The following ITGA9 variants were observed in gnomAD, a reference collection of about 807,000 sequenced individuals.
ITGA9 encodes integrin subunit alpha 9.
A neutral mutation model predicts 127.8 loss-of-function variants in ITGA9; 56 were observed. The observed-to-expected ratio is 0.44, with a 90% confidence interval of 0.35 to 0.55. The LOEUF is 0.55. Ranked by LOEUF, ITGA9 falls within the 20% of genes least tolerant of loss-of-function variation. ITGA9 has a pLI of 0.00. For synonymous variants in ITGA9, 508 were observed against 514.5 expected (o/e 0.99, Z 0.17); for missense variants, 1,196 against 1,347.1 (o/e 0.89, Z 1.76).
At chr3:37,625,396 A>T (rs2125633472) in intron 15 of ITGA9, among the ~76,000 whole-genome samples, 1 of 152,316 alleles carries the variant, frequency 6.6e-6, no homozygotes, top group South Asian at 2.1e-4. Flanking sequence ...GCATATGTTA[A>T]GTTCCCTATA....
At chr3:37,495,401 A>G (rs1698717504) in intron 5 of ITGA9, among the ~76,000 whole-genome samples, 1 of 152,112 alleles carries the variant, frequency 6.6e-6, no homozygotes. Flanking sequence ...TGTCATTCTT[A>G]CTTACTGTAA....
chr3:37,723,847 A>C (rs900335642), intron 18 of ITGA9, among the ~76,000 whole-genome samples: 1 of 152,164 alleles, frequency 6.6e-6, no homozygotes, highest in Non-Finnish European at 1.5e-5. Context: ...TCAAAATGTA[A>C]AATTCTTCCT....
At chr3:37,486,035 A>G (rs759039579) in intron 4 of ITGA9, among the ~76,000 whole-genome samples, 1 of 152,252 alleles carries the variant, frequency 6.6e-6, no homozygotes, top group Non-Finnish European at 1.5e-5. Context: ...TAACCAAGCT[A>G]TGATATTTTA....
At chr3:37,604,561 G>A (rs751386496) in intron 15 of ITGA9, among the ~76,000 whole-genome samples, 3 of 152,160 alleles carry the variant, frequency 2.0e-5, no homozygotes, top group Non-Finnish European at 4.4e-5. Flanking sequence ...AATCTTTAAC[G>A]GAAGGGTTTC....
intron 17 of ITGA9, among the ~76,000 whole-genome samples, chr3:37,661,770 G>T (rs1365408781): frequency 1.3e-5 from 2 of 152,248 alleles, no homozygotes; most frequent in Admixed American, 6.5e-5. Flanking sequence ...CTCCTGCTGT[G>T]AGCAGAGCAA....
intron 15 of ITGA9, among the ~76,000 whole-genome samples, chr3:37,612,734 A>G (rs772214920): frequency 6.6e-6 from 1 of 152,242 alleles, no homozygotes; most frequent in Non-Finnish European, 1.5e-5. Flanking sequence ...GATGTGCAGT[A>G]ATAAATTAGC....
intron 18 of ITGA9, among the ~76,000 whole-genome samples, chr3:37,725,303 T>A (rs1404286593): frequency 1.3e-5 from 2 of 152,084 alleles, no homozygotes; most frequent in Admixed American, 6.5e-5. Context: ...CAGCCAAGAG[T>A]GTATCATCAG....
At chr3:37,652,925 A>G (rs561353041) in intron 16 of ITGA9, among the ~76,000 whole-genome samples, 50 of 152,318 alleles carry the variant, frequency 3.3e-4, no homozygotes, top group African/African-American at 1.2e-3. Context: ...TGGACCGTAG[A>G]AGAAAGCCCT....
At chr3:37,657,301 T>C (rs1327407135) in intron 17 of ITGA9, among the ~76,000 whole-genome samples, 1 of 152,150 alleles carries the variant, frequency 6.6e-6, no homozygotes, top group Non-Finnish European at 1.5e-5. Flanking sequence ...TAGAATTCAG[T>C]TGTGAATCCG....
chr3:37,679,356 TTGGTCTTTG>T (rs1343764405), intron 17 of ITGA9, among the ~76,000 whole-genome samples: 4 of 152,168 alleles, frequency 2.6e-5, no homozygotes, highest in African/African-American at 7.2e-5. Context: ...GTCAGAGAGG[TTGGTCTTTG>T]TGGAGTCCTG....
chr3:37,696,155 T>C (rs763990938), intron 18 of ITGA9, among the ~76,000 whole-genome samples: 1 of 152,216 alleles, frequency 6.6e-6, no homozygotes, highest in African/African-American at 2.4e-5. Flanking sequence ...GCAAATGAAT[T>C]TTCTCAGCTG....
At chr3:37,453,115 GC>G (rs33973256) in intron 1 of ITGA9, among the ~76,000 whole-genome samples, 5,982 of 141,266 alleles carry the variant, frequency 0.042, 239 homozygotes, top group Non-Finnish European at 0.05. Flanking sequence ...GAGCCCCGGC[GC>G]CCCCCCCCCC....
intron 15 of ITGA9, among the ~76,000 whole-genome samples, chr3:37,550,096 A>G (rs2844357): frequency 0.4 from 61,047 of 152,030 alleles, 14,250 homozygotes; most frequent in East Asian, 0.72. Flanking sequence ...AAGGCATAGA[A>G]GAGTGAAGGG....
chr3:37,565,363 G>A (rs575140397), intron 15 of ITGA9, among the ~76,000 whole-genome samples: 2 of 152,312 alleles, frequency 1.3e-5, no homozygotes, highest in East Asian at 1.9e-4. Flanking sequence ...GGTGTTAGTG[G>A]TCAGGCAAAT....
intron 6 of ITGA9, among the ~76,000 whole-genome samples, chr3:37,504,395 G>A (rs1698819301): frequency 6.6e-6 from 1 of 152,134 alleles, no homozygotes; most frequent in African/African-American, 2.4e-5. Flanking sequence ...GCAAAATTAG[G>A]GTATGAGCTT....
At chr3:37,574,797 C>T (rs1699636914) in intron 15 of ITGA9, among the ~76,000 whole-genome samples, 1 of 152,100 alleles carries the variant, frequency 6.6e-6, no homozygotes, top group Non-Finnish European at 1.5e-5. Flanking sequence ...CTGTGCTCAG[C>T]CCTTCCGGGT....
At chr3:37,600,789 G>A (rs1187056816) in intron 15 of ITGA9, among the ~76,000 whole-genome samples, 1 of 152,072 alleles carries the variant, frequency 6.6e-6, no homozygotes, top group African/African-American at 2.4e-5. Flanking sequence ...TCCTCCCATC[G>A]GTATGCACCC....
chr3:37,470,596 G>A (rs947033817), intron 1 of ITGA9, among the ~76,000 whole-genome samples: 2 of 152,158 alleles, frequency 1.3e-5, no homozygotes, highest in African/African-American at 4.8e-5. Context: ...GGAACCTTTT[G>A]TTGGTTGTAC....
At chr3:37,546,772 G>A (rs1699330523) in intron 15 of ITGA9, among the ~76,000 whole-genome samples, 1 of 152,198 alleles carries the variant, frequency 6.6e-6, no homozygotes, top group African/African-American at 2.4e-5. Context: ...CTGCTGGGAA[G>A]TGATGGCTTG....
Sources: gnomAD v4.1 joint callset for allele counts (sites outside exome capture counted in the v4.1 genomes callset) on GRCh38, gnomAD v4.1.1 for gene constraint, MANE v1.5 for transcripts, NCBI Gene and HGNC (gene_info 2026-07-23, HGNC 2026-07-21) for gene names.